The following NDUFS4 variants were observed in gnomAD, a reference collection of about 807,000 sequenced individuals.
The protein encoded by NDUFS4 is NADH dehydrogenase [ubiquinone] iron-sulfur protein 4, mitochondrial.
NDUFS4 carries 28 observed loss-of-function variants against 24.3 expected under a neutral mutation model. The ratio of observed to expected loss-of-function variants is 1.15; its 90% CI spans 0.85 to 1.58. NDUFS4 has a LOEUF of 1.58. NDUFS4 is among the 40% of genes most tolerant of loss of function. The pLI is 0.00. For missense variants in NDUFS4, 223 were observed against 207.9 expected (o/e 1.07, Z -0.45); for synonymous variants, 93 against 69.7 (o/e 1.34, Z -1.67).
intron 1 of NDUFS4, among the ~76,000 whole-genome samples, chr5:53,582,133 C>A (rs1394346411): frequency 6.6e-6 from 1 of 151,948 alleles, no homozygotes; most frequent in Non-Finnish European, 1.5e-5. Flanking sequence ...ATGGTGTGAA[C>A]CCAGGAGGCG....
chr5:53,652,043 G>A (rs1485476751), intron 3 of NDUFS4, among the ~76,000 whole-genome samples: 1 of 152,070 alleles, frequency 6.6e-6, no homozygotes, highest in East Asian at 1.9e-4. Flanking sequence ...AAAGTGCTGG[G>A]ATTACAGGCG....
At chr5:53,681,337 G>A (rs1735650917) in intron 4 of NDUFS4, among the ~76,000 whole-genome samples, 2 of 151,988 alleles carry the variant, frequency 1.3e-5, no homozygotes, top group South Asian at 2.1e-4. Context: ...TTCATATAAA[G>A]GTTTTAGGAA....
intron 2 of NDUFS4, among the ~76,000 whole-genome samples, chr5:53,627,972 G>T (rs1751281999): frequency 6.6e-6 from 1 of 152,146 alleles, no homozygotes; most frequent in African/African-American, 2.4e-5. Flanking sequence ...TTTTTAAAGG[G>T]AATGCTTCCA....
At chr5:53,604,628 G>T (rs780147508) in intron 2 of NDUFS4, 1 of 385,384 alleles carries the variant, frequency 2.6e-6, no homozygotes, top group African/African-American at 2.1e-5. Context: ...CCCTCTTTTC[G>T]TCCTTTGGTG....
intron 2 of NDUFS4, among the ~76,000 whole-genome samples, chr5:53,630,365 G>A (rs547744667): frequency 4.6e-5 from 7 of 151,962 alleles, no homozygotes; most frequent in African/African-American, 1.7e-4. Context: ...TCTTGGGGTC[G>A]CTTTTCTTGA....
chr5:53,655,699 A>G (rs72753665), intron 3 of NDUFS4, among the ~76,000 whole-genome samples: 25,062 of 152,164 alleles, frequency 0.16, 2,296 homozygotes, highest in Non-Finnish European at 0.21. Flanking sequence ...TAGCAACTTG[A>G]TAAGTTTTGT....
chr5:53,561,882 T>C (rs1023962127), intron 1 of NDUFS4, among the ~76,000 whole-genome samples: 2 of 152,162 alleles, frequency 1.3e-5, no homozygotes, highest in Non-Finnish European at 2.9e-5. Flanking sequence ...TTGAAAGCAT[T>C]AGTTAAACGA....
chr5:53,658,280 TG>T (rs1375978254), intron 3 of NDUFS4, among the ~76,000 whole-genome samples: 1 of 152,180 alleles, frequency 6.6e-6, no homozygotes, highest in Non-Finnish European at 1.5e-5. Context: ...CATCTCAAAT[TG>T]TTTTTTTAGA....
At chr5:53,591,466 G>C (rs201958849) in intron 1 of NDUFS4, among the ~76,000 whole-genome samples, 4 of 135,850 alleles carry the variant, frequency 2.9e-5, no homozygotes, top group African/African-American at 1.1e-4. Context: ...TTTTTTGGGG[G>C]GGGGGGGTGA....
At chr5:53,681,189 G>GGTAA (rs1328526219) in intron 4 of NDUFS4, among the ~76,000 whole-genome samples, 2 of 152,050 alleles carry the variant, frequency 1.3e-5, no homozygotes, top group Non-Finnish European at 2.9e-5. Flanking sequence ...TAGCATAATA[G>GGTAA]GTAAGTTGTA....
At chr5:53,631,266 A>G (rs2112490250) in intron 2 of NDUFS4, among the ~76,000 whole-genome samples, 1 of 152,276 alleles carries the variant, frequency 6.6e-6, no homozygotes, top group Middle Eastern at 3.4e-3. Context: ...GCTTCGTCCC[A>G]TAGAGGCACC....
chr5:53,563,488 G>T (rs1299586187), intron 1 of NDUFS4, among the ~76,000 whole-genome samples: 2 of 151,050 alleles, frequency 1.3e-5, no homozygotes, highest in Admixed American at 6.6e-5. Flanking sequence ...CAAAAAAAGG[G>T]GTTAAATTGT....
At chr5:53,596,356 C>T (rs936075561) in intron 1 of NDUFS4, among the ~76,000 whole-genome samples, 26 of 152,024 alleles carry the variant, frequency 1.7e-4, no homozygotes, top group Non-Finnish European at 7.4e-5. Flanking sequence ...TCGCTTGAGC[C>T]AAGGAGGTCG....
intron 1 of NDUFS4, among the ~76,000 whole-genome samples, chr5:53,584,119 A>G (rs1749664655): frequency 6.6e-6 from 1 of 152,208 alleles, no homozygotes; most frequent in African/African-American, 2.4e-5. Flanking sequence ...AAAGTACTTC[A>G]TATGTACCTT....
At chr5:53,657,924 C>CAA (rs55653691) in intron 3 of NDUFS4, among the ~76,000 whole-genome samples, 1 of 123,162 alleles carries the variant, frequency 8.1e-6, no homozygotes, top group East Asian at 2.4e-4. Flanking sequence ...GAGTCCATCT[C>CAA]AAAAAAAAAA....
intron 1 of NDUFS4, among the ~76,000 whole-genome samples, chr5:53,594,271 C>G (rs1750063375): frequency 6.6e-6 from 1 of 152,066 alleles, no homozygotes; most frequent in South Asian, 2.1e-4. Flanking sequence ...GAACTGACCC[C>G]TTTATCACTA....
intron 2 of NDUFS4, among the ~76,000 whole-genome samples, chr5:53,643,864 G>A (rs968734791): frequency 2.0e-5 from 3 of 152,046 alleles, no homozygotes; most frequent in African/African-American, 7.2e-5. Flanking sequence ...GACAACTTGG[G>A]TTCCCAAAAT....
At chr5:53,628,971 A>G (rs1751314950) in intron 2 of NDUFS4, among the ~76,000 whole-genome samples, 1 of 152,022 alleles carries the variant, frequency 6.6e-6, no homozygotes, top group African/African-American at 2.4e-5. Flanking sequence ...TTGTGATGTT[A>G]GGGTGTCAGT....
intron 1 of NDUFS4, among the ~76,000 whole-genome samples, chr5:53,567,335 G>C (rs759902265): frequency 6.6e-6 from 1 of 152,138 alleles, no homozygotes; most frequent in South Asian, 2.1e-4. Flanking sequence ...TTTTAGCCAA[G>C]TGTCTTCTTT....
Sources: allele counts gnomAD v4.1 joint callset (sites outside exome capture counted in the v4.1 genomes callset), GRCh38; gene constraint gnomAD v4.1.1; transcripts MANE v1.5; gene names NCBI Gene and HGNC (gene_info 2026-07-23, HGNC 2026-07-21).